Variants in ATF6 observed in about 807,000 individuals in gnomAD.
The protein encoded by ATF6 is activating transcription factor 6.
A neutral mutation model predicts 83.6 loss-of-function variants in ATF6; 53 were observed. The ratio of observed to expected loss-of-function variants is 0.63; its 90% CI spans 0.51 to 0.80. The LOEUF (loss-of-function observed/expected upper bound fraction) is 0.80, where lower values mean the gene tolerates loss of function less well. Among genes scored for constraint, ATF6 ranks in the 30% least tolerant of loss-of-function variants. ATF6 has a pLI of 0.00. For synonymous variants in ATF6, 288 were observed against 285.8 expected (o/e 1.01, Z -0.08); for missense variants, 744 against 797.9 (o/e 0.93, Z 0.81).
At position 161,792,215 on chromosome 1, in the gene ATF6, TCAAA is replaced by T. The variant is rs1250521444; in HGVS notation, c.582_585del (p.Asn195ProfsTer75). The T allele has an allele frequency of 2.5e-6, 4 of 1,614,066 alleles. No homozygotes were observed. Among genetic ancestry groups the T allele is most frequent in the Non-Finnish European group, 3.4e-6 (4 of 1,179,996 alleles). On this transcript the variant is annotated frameshift_variant, in exon 6 of 16. Coordinates refer to ENST00000367942, the MANE Select transcript of ATF6 (RefSeq NM_007348.4). LOFTEE classifies it high-confidence loss of function. Reference sequence around the variant, plus strand: ...TATTGCTTCCAGCAGCACCCAAGACTCAAACAAACTCCAGTGTTCCAGCAAAAAC... The same window carrying T: ...TATTGCTTCCAGCAGCACCCAAGACTCAAACTCCAGTGTTCCAGCAAAAAC...
chr1:161,874,122 C>T (rs1328238485), intron 14 of ATF6, among the ~76,000 whole-genome samples: 1 of 151,438 alleles, frequency 6.6e-6, no homozygotes, highest in Non-Finnish European at 1.5e-5. Context: ...AATTATATAC[C>T]TAGTAAGAAT....
At chr1:161,837,031 T>G (rs1439290306) in intron 9 of ATF6, among the ~76,000 whole-genome samples, 5 of 152,222 alleles carry the variant, frequency 3.3e-5, no homozygotes, top group African/African-American at 9.6e-5. Context: ...GTGGATAGTT[T>G]GTGTGAAATA....
At chr1:161,852,763 C>T (rs1686661397) in intron 11 of ATF6, among the ~76,000 whole-genome samples, 1 of 152,116 alleles carries the variant, frequency 6.6e-6, no homozygotes, top group Admixed American at 6.5e-5. Context: ...CAGGCACATG[C>T]CACCATGCCC....
rs184627298 is a variant in ATF6, at chr1:161,884,105, T to A, written c.1719+20793T>A. On this transcript the variant is annotated intron_variant, in intron 14 of 15. Coordinates refer to ENST00000367942, the MANE Select transcript of ATF6 (RefSeq NM_007348.4). Reference sequence around the variant, plus strand: ...CTAGGATTATTTGACCAATTTTGTATTCAGCTTAGATTAGGGAGAATATAG... The same window carrying A: ...CTAGGATTATTTGACCAATTTTGTAATCAGCTTAGATTAGGGAGAATATAG... Among the ~76,000 whole-genome samples the A allele has an allele frequency of 1.4e-4, 22 of 152,216 alleles. No homozygotes were observed. The East Asian group carries it at 4.2e-3, about 29-fold the overall frequency.
At chr1:161,923,004 C>T (rs1482374496) in intron 15 of ATF6, among the ~76,000 whole-genome samples, 1 of 152,090 alleles carries the variant, frequency 6.6e-6, no homozygotes, top group East Asian at 1.9e-4. Context: ...ATTACCTGTC[C>T]TCTTCCCTCC....
chr1:161,905,807 T>G (rs888267027), intron 14 of ATF6, among the ~76,000 whole-genome samples: 3 of 152,024 alleles, frequency 2.0e-5, no homozygotes, highest in Non-Finnish European at 4.4e-5. Context: ...AACTCAAGTG[T>G]TTTTGTTGTT....
At chr1:161,938,107 TC>T (rs1688574435) in intron 15 of ATF6, among the ~76,000 whole-genome samples, 1 of 152,188 alleles carries the variant, frequency 6.6e-6, no homozygotes, top group Admixed American at 6.5e-5. Flanking sequence ...CTCTTTGCTG[TC>T]CCCTGAACAT....
At chr1:161,812,084 A>G (rs973325375) in intron 7 of ATF6, among the ~76,000 whole-genome samples, 5 of 152,198 alleles carry the variant, frequency 3.3e-5, no homozygotes, top group Non-Finnish European at 7.3e-5. Flanking sequence ...TATTGCTAAG[A>G]TGGCTAATAT....
chr1:161,871,892 C>T (rs2101848996), intron 14 of ATF6, among the ~76,000 whole-genome samples: 1 of 151,402 alleles, frequency 6.6e-6, no homozygotes, highest in East Asian at 1.9e-4. Context: ...TGTAGTATTG[C>T]TTTAAACTCT....
chr1:161,771,086 G>A (rs1292070275), intron 1 of ATF6, among the ~76,000 whole-genome samples: 1 of 152,128 alleles, frequency 6.6e-6, no homozygotes, highest in Non-Finnish European at 1.5e-5. Context: ...ATGATGTTGA[G>A]CATCTTTTCA....
chr1:161,804,149 C>G (rs1026117836), intron 7 of ATF6, among the ~76,000 whole-genome samples: 6 of 151,838 alleles, frequency 4.0e-5, no homozygotes, highest in African/African-American at 1.5e-4. Flanking sequence ...TTTTAATACT[C>G]TTTTAAATTA....
At chr1:161,813,160 C>A (rs922287712) in intron 7 of ATF6, among the ~76,000 whole-genome samples, 1 of 151,806 alleles carries the variant, frequency 6.6e-6, no homozygotes, top group African/African-American at 2.4e-5. Context: ...TCTCCCTTTA[C>A]AAATGTTTTT....
At chr1:161,920,390 G>A (rs1440314889) in intron 15 of ATF6, among the ~76,000 whole-genome samples, 1 of 139,720 alleles carries the variant, frequency 7.2e-6, no homozygotes, top group Admixed American at 7.5e-5. Flanking sequence ...CACCTCCTGG[G>A]TTCACGCCAT....
chr1:161,956,303 C>T (rs923906022), intron 15 of ATF6, among the ~76,000 whole-genome samples: 3 of 152,170 alleles, frequency 2.0e-5, no homozygotes, highest in Non-Finnish European at 4.4e-5. Flanking sequence ...CACACACACA[C>T]GCACACACAG....
At chr1:161,830,484 C>T (rs1317574674) in intron 9 of ATF6, among the ~76,000 whole-genome samples, 7 of 150,618 alleles carry the variant, frequency 4.6e-5, no homozygotes, top group East Asian at 1.9e-4. Flanking sequence ...GAGCCTGCAT[C>T]GCCAAGTCAA....
In ATF6 at chr1:161,853,237, C is replaced by A; in HGVS notation, c.1447C>A (p.Leu483Ile). The change falls in exon 12 of 16, where the codon CTT (leucine) becomes ATT (isoleucine). Residue 483 changes from leucine (L) to isoleucine (I), a missense_variant. Transcript: ENST00000367942. Reference protein sequence around the residue: ...TTESLRLNHELRGWVHRHEVE... With the variant: ...TTESLRLNHEIRGWVHRHEVE... Reference sequence around the variant, plus strand: ...TATATTTTATAGGTTAAATCATGAACTTCGAGGATGGGTTCATAGACATGA... The same window carrying A: ...TATATTTTATAGGTTAAATCATGAAATTCGAGGATGGGTTCATAGACATGA... 1.2e-6 allele frequency: 2 copies of A among 1,607,700 alleles called. No homozygotes were observed. Among genetic ancestry groups the A allele is most frequent in the African/African-American group, 1.3e-5 (1 of 74,838 alleles).
intron 10 of ATF6, among the ~76,000 whole-genome samples, chr1:161,849,026 A>G (rs1460562831): frequency 6.6e-6 from 1 of 152,090 alleles, no homozygotes; most frequent in African/African-American, 2.4e-5. Flanking sequence ...TCAGATCACA[A>G]ATATATTTTC....
chr1:161,794,053 C>T (rs561428445), intron 6 of ATF6, among the ~76,000 whole-genome samples: 10 of 152,142 alleles, frequency 6.6e-5, no homozygotes, highest in South Asian at 2.1e-4. Context: ...ACTACAGGCA[C>T]GTGCCACCAT....
At chr1:161,958,251 G>A (rs1689008177) in intron 15 of ATF6, among the ~76,000 whole-genome samples, 195 bp from the exon 16 acceptor site, 1 of 152,110 alleles carries the variant, frequency 6.6e-6, no homozygotes, top group Admixed American at 6.5e-5. Flanking sequence ...AGCTAGAATT[G>A]GGAGAGAACA....
Sources: gnomAD v4.1 joint callset for allele counts (sites outside exome capture counted in the v4.1 genomes callset) on GRCh38, gnomAD v4.1.1 for gene constraint, MANE v1.5 for transcripts, NCBI Gene and HGNC (gene_info 2026-07-23, HGNC 2026-07-21) for gene names.